The following XPO4 variants were observed in gnomAD, a reference collection of about 807,000 sequenced individuals.
XPO4 encodes exportin 4.
A neutral mutation model predicts 143.0 loss-of-function variants in XPO4; 39 were observed. The observed-to-expected ratio is 0.27, with a 90% confidence interval of 0.21 to 0.36. The LOEUF (loss-of-function observed/expected upper bound fraction) is 0.36, where lower values mean the gene tolerates loss of function less well. Among genes scored for constraint, XPO4 ranks in the 10% least tolerant of loss-of-function variants. XPO4 has a pLI of 1.00. For synonymous variants in XPO4, 439 were observed against 474.0 expected, an observed-to-expected ratio of 0.93 and a Z score of 0.96; for missense variants, 907 against 1,348.0, an observed-to-expected ratio of 0.67 and a Z score of 5.12.
At chr13:20,864,721 T>C (rs2060229689) in intron 2 of XPO4, among the ~76,000 whole-genome samples, 1 of 152,168 alleles carries the variant, frequency 6.6e-6, no homozygotes, top group African/African-American at 2.4e-5. Flanking sequence ...TGGGTGGGTG[T>C]TGGATGTGAG....
At chr13:20,802,739 G>T in intron 13 of XPO4, among the ~76,000 whole-genome samples, 1 of 151,482 alleles carries the variant, frequency 6.6e-6, no homozygotes, top group African/African-American at 2.4e-5. Context: ...CCAGTATTTT[G>T]TTCATCATAC....
Position 20,803,963 on chromosome 13 carries a change from T to C in XPO4, c.1818-2973A>G, listed in dbSNP as rs2059468900. ...TACTAAACAGACCCAGACTTGGGAG[T>C]GTCCAGATATTCTGACATCTGGAGA... On this transcript the variant is annotated intron_variant, in intron 13 of 22. Coordinates refer to ENST00000255305, the MANE Select transcript of XPO4 (RefSeq NM_022459.5). This position sits in a 1 kb window ranked among gnomAD's most constrained non-coding sequence, Gnocchi z 4.1. Among the ~76,000 whole-genome samples, 1 of 152,062 alleles carries C rather than the reference T, an allele frequency of 6.6e-6. No homozygotes were observed. The highest frequency in any genetic ancestry group is 2.1e-4 in the South Asian group (1 of 4,828).
intron 22 of XPO4, 29 bp from the exon 23 acceptor site, chr13:20,783,948 A>G (rs1389172567): frequency 1.9e-6 from 3 of 1,605,516 alleles, no homozygotes; most frequent in East Asian, 2.2e-5. Flanking sequence ...ATACACAAGT[A>G]TCCTCCTTAG....
chr13:20,888,240 A>G (rs922924025), intron 1 of XPO4, among the ~76,000 whole-genome samples: 5 of 151,938 alleles, frequency 3.3e-5, no homozygotes, highest in African/African-American at 1.2e-4. Flanking sequence ...TGGAAGAGAG[A>G]GGCAATAACT....
chr13:20,836,614 C>T (rs1333183337), intron 6 of XPO4, among the ~76,000 whole-genome samples: 1 of 152,114 alleles, frequency 6.6e-6, no homozygotes, highest in Admixed American at 6.6e-5. Flanking sequence ...GTGCAGTTGA[C>T]CTGTGTGAAG....
chr13:20,890,798 CAAA>C (rs60214499), intron 1 of XPO4, among the ~76,000 whole-genome samples: 15 of 93,120 alleles, frequency 1.6e-4, no homozygotes, highest in Admixed American at 2.5e-4. Flanking sequence ...GACCCTGCCT[CAAA>C]AAAAAAAAAA....
intron 3 of XPO4, chr13:20,856,313 T>A (rs2060143487): frequency 1.0e-6 from 1 of 984,904 alleles, no homozygotes; most frequent in Non-Finnish European, 1.2e-6. Flanking sequence ...CATAAAATTG[T>A]AAAACACACA....
chr13:20,820,682 C>T (rs1375826586), intron 9 of XPO4, among the ~76,000 whole-genome samples: 1 of 152,152 alleles, frequency 6.6e-6, no homozygotes, highest in African/African-American at 2.4e-5. Context: ...TTTTCTGTTA[C>T]TACATTTTCT....
intron 1 of XPO4, among the ~76,000 whole-genome samples, chr13:20,896,868 T>C (rs2060574555): frequency 1.3e-5 from 2 of 152,220 alleles, no homozygotes; most frequent in Admixed American, 1.3e-4. Flanking sequence ...CAATTCCTAG[T>C]TTATCCAATT....
chr13:20,787,988 G>C (rs915591317), intron 20 of XPO4, among the ~76,000 whole-genome samples: 4 of 152,118 alleles, frequency 2.6e-5, no homozygotes, highest in Admixed American at 1.3e-4. Flanking sequence ...AGGAGGACAG[G>C]ACGAGGCAAA....
At chr13:20,808,189 T>C (rs558271691) in intron 12 of XPO4, among the ~76,000 whole-genome samples, 2 of 152,252 alleles carry the variant, frequency 1.3e-5, no homozygotes, top group African/African-American at 4.8e-5. Context: ...ATAATAGTAA[T>C]ACTACCTAGC....
rs34895920 is a variant in XPO4 at position 20,839,465 on chromosome 13, C to T, written c.727+3430G>A. ...TACTGACAATTATTGCTGTACAACT[C>T]TATGAATATATTAAAAAACACTGAA... is the stretch of plus-strand genomic sequence containing the variant. On this transcript the variant is annotated intron_variant, in intron 6 of 22. Transcript: ENST00000255305. Among the ~76,000 whole-genome samples the T allele has an allele frequency of 8.9e-3, 1,356 of 152,242 alleles. 10 individuals carry two copies. Among genetic ancestry groups the T allele is most frequent in the Middle Eastern group, 0.037 (11 of 294 alleles).
intron 1 of XPO4, among the ~76,000 whole-genome samples, chr13:20,882,884 C>T (rs938297157): frequency 1.8e-4 from 26 of 147,014 alleles, no homozygotes; most frequent in South Asian, 6.4e-4. Flanking sequence ...AAAACTCAGT[C>T]TCAAAAAAAA....
chr13:20,880,371 G>A (rs2060396071), intron 1 of XPO4, among the ~76,000 whole-genome samples: 1 of 152,074 alleles, frequency 6.6e-6, no homozygotes, highest in South Asian at 2.1e-4. Flanking sequence ...GGTAGTGGTT[G>A]CGGTGAGCCT....
chr13:20,863,407 C>T (rs1373988216), intron 2 of XPO4, among the ~76,000 whole-genome samples: 1 of 152,106 alleles, frequency 6.6e-6, no homozygotes, highest in Admixed American at 6.6e-5. Context: ...ATATAAGTCA[C>T]ATTTACACAA....
At chr13:20,851,637 G>C (rs1372964145) in intron 4 of XPO4, 1 of 562,674 alleles carries the variant, frequency 1.8e-6, no homozygotes, top group Non-Finnish European at 2.2e-6. Context: ...TGAGCATGGG[G>C]AGGTCAAGGC....
Position 20,852,994 on chromosome 13 carries a change from G to A in XPO4, c.456+2633C>T, listed in dbSNP as rs2060104197. ...AGCTCATGACATGCTGATCAGAAAT[G>A]GAGACTATATCTACTACCACAATTT... On this transcript the variant is annotated intron_variant, in intron 4 of 22. Coordinates refer to ENST00000255305, the MANE Select transcript of XPO4 (RefSeq NM_022459.5). The A allele has an allele frequency of 5.1e-6, 5 of 985,156 alleles. No homozygotes were observed. The South Asian group carries it at 1.9e-4, about 37-fold the overall frequency. 61.0% of individuals were successfully genotyped at this position (985,156 alleles called of 1,614,324 possible).
At position 20,821,685 on chromosome 13, in the gene XPO4, C is replaced by T; in HGVS notation, c.1173+19G>A. The T allele has an allele frequency of 1.2e-6, 2 of 1,602,358 alleles. No individual in the cohort carries two copies. Among genetic ancestry groups the T allele is most frequent in the Non-Finnish European group, 1.7e-6 (2 of 1,174,180 alleles). On this transcript the variant is annotated intron_variant, in intron 9 of 22. Coordinates refer to ENST00000255305, the MANE Select transcript of XPO4 (RefSeq NM_022459.5). ...TCCTTGTGAAAACTGACACAATTTA[C>T]TTTAGAATAGTCACTCACCACTTCT...
At chr13:20,881,491 C>T (rs1240315503) in intron 1 of XPO4, among the ~76,000 whole-genome samples, 1 of 151,898 alleles carries the variant, frequency 6.6e-6, no homozygotes, top group Non-Finnish European at 1.5e-5. Flanking sequence ...AGGATGGCCT[C>T]GATCTCCTGA....
Sources: gnomAD v4.1 joint callset for allele counts (sites outside exome capture counted in the v4.1 genomes callset) on GRCh38, gnomAD v4.1.1 for gene constraint, Gnocchi (gnomAD v3.1) non-coding constraint, MANE v1.5 for transcripts, NCBI Gene and HGNC (gene_info 2026-07-23, HGNC 2026-07-21) for gene names.